Variants in SPHK2 observed in about 807,000 individuals in gnomAD.
SPHK2 encodes sphingosine kinase 2.
In SPHK2, 18 loss-of-function variants were observed where a neutral mutation model predicts 32.3. The observed-to-expected ratio is 0.56, with a 90% CI of 0.39 to 0.83. SPHK2 has a LOEUF of 0.83. Ranked by LOEUF, SPHK2 falls within the 40% of genes least tolerant of loss-of-function variation. The pLI, the probability that SPHK2 is intolerant of heterozygous loss-of-function variation, is 0.00. For missense variants in SPHK2, 850 were observed against 908.7 expected, an observed-to-expected ratio of 0.94 and a Z score of 0.83; for synonymous variants, 462 against 417.6, an observed-to-expected ratio of 1.11 and a Z score of -1.30.
chr19:48,629,645 C>T lies in SPHK2; in HGVS notation c.1837C>T (p.Leu613Phe). The change falls in exon 7 of 7, where the codon CTC becomes TTC. Residue 613 changes from leucine (L) to phenylalanine (F), a missense_variant. Leu to Phe is a conservative substitution (Grantham distance 22). Around this residue, in one of 2 missense-constraint regions of SPHK2, gnomAD observed 306 missense variants for 268.6 expected, o/e 1.14. Coordinates refer to ENST00000245222, the MANE Select transcript of SPHK2 (RefSeq NM_020126.5). Reference sequence around the variant, plus strand: ...GGCCCGTGCCTTCCGCCTAGAGCCGCTCACACCACGCGGCGTGCTCACAGT... The same window carrying T: ...GGCCCGTGCCTTCCGCCTAGAGCCGTTCACACCACGCGGCGTGCTCACAGT... ...AAARAFRLEP[L>F]TPRGVLTVDG... 6.2e-7 allele frequency: 1 copy of T among 1,603,358 alleles called. No homozygotes were observed. Among genetic ancestry groups the T allele is most frequent in the Non-Finnish European group, 8.5e-7 (1 of 1,175,852 alleles).
chr19:48,619,755 C>T (rs1419144918), intron 1 of SPHK2: 2 of 154,140 alleles, frequency 1.3e-5, no homozygotes, highest in African/African-American at 4.8e-5. Flanking sequence ...CCTTTGAGTT[C>T]CGCTTCTCCT....
chr19:48,622,279 A>T (rs60217620), intron 2 of SPHK2, among the ~76,000 whole-genome samples: 7,883 of 151,526 alleles, frequency 0.052, 403 homozygotes, highest in East Asian at 0.26. Flanking sequence ...AAAATAAAAA[A>T]AAATAAAGGA....
Position 48,628,881 on chromosome 19 carries a change from T to TCACCA in SPHK2, c.1076_1077insCACAC (p.Leu360ThrfsTer44). The TCACCA allele has an allele frequency of 6.2e-7, 1 of 1,613,698 alleles. No individual in the cohort carries two copies. The highest frequency in any genetic ancestry group is 8.5e-7 in the Non-Finnish European group (1 of 1,179,996). ...TTCAGGGCCTTGGGCAGTGCCCGCT[T>TCACCA]CACACTGGGCACGGTGCTGGGCCTC... On this transcript the variant is annotated frameshift_variant, in exon 7 of 7. Transcript: ENST00000245222. LOFTEE classifies it low-confidence loss of function (END_TRUNC). The surrounding 1 kb of genome is among the most constrained non-coding windows in gnomAD (Gnocchi z 5.2).
At chr19:48,626,607 G>A in intron 3 of SPHK2, 2 of 455,320 alleles carry the variant, frequency 4.4e-6, no homozygotes, top group Admixed American at 8.0e-5. Flanking sequence ...CTGAGGTCAG[G>A]AGTTCGAGAC....
chr19:48,625,541 C>T (rs1262233809), intron 2 of SPHK2: 1 of 1,289,274 alleles, frequency 7.8e-7, no homozygotes, highest in African/African-American at 1.5e-5. Context: ...ATATTTCAAT[C>T]CTTTCTCTTG....
chr19:48,627,960 G>A lies in SPHK2; in HGVS notation c.662-15G>A, dbSNP rs113211524. 2.5e-5 allele frequency: 40 copies of A among 1,572,360 alleles called. No individual in the cohort carries two copies. Among genetic ancestry groups the A allele is most frequent in the African/African-American group, 2.3e-4 (17 of 73,724 alleles). Reference sequence around the variant, plus strand: ...GGTGGGACAGCCTGCCTAACAGCCCGGTATCCCACTTCAGAACGACAGAAC... The same window carrying A: ...GGTGGGACAGCCTGCCTAACAGCCCAGTATCCCACTTCAGAACGACAGAAC... On this transcript the variant is annotated splice_polypyrimidine_tract_variant and intron_variant, in intron 4 of 6. Coordinates refer to ENST00000245222, the MANE Select transcript of SPHK2 (RefSeq NM_020126.5).
intron 2 of SPHK2, 51 bp downstream of exon 2, chr19:48,620,604 C>G: frequency 7.5e-7 from 1 of 1,324,664 alleles, no homozygotes. Context: ...AAGACAAAAT[C>G]TGAAGCTTTT....
In SPHK2 at chr19:48,626,134, G is replaced by A; in HGVS notation, c.283G>A (p.Ala95Thr). The A allele has an allele frequency of 6.2e-7, 1 of 1,606,080 alleles. No homozygotes were observed. The highest frequency in any genetic ancestry group is 8.5e-7 in the Non-Finnish European group (1 of 1,176,048). Residue 95 changes from alanine (A) to threonine (T), a missense_variant, in exon 3 of 7, where the codon GCC (alanine) becomes ACC (threonine). By Grantham distance (58) the Ala-to-Thr change is moderately conservative (BLOSUM62 0). This residue lies in a region of SPHK2 where 544 missense variants were observed against 640.0 expected (regional missense o/e 0.85). Coordinates refer to ENST00000245222, the MANE Select transcript of SPHK2 (RefSeq NM_020126.5). Reference sequence around the variant, plus strand: ...GCCCCGGGGTGGCCTGGTCCCGTTGGCCGAGGTCTCAGGCTGCTGCACCCT... The same window carrying A: ...GCCCCGGGGTGGCCTGGTCCCGTTGACCGAGGTCTCAGGCTGCTGCACCCT... ...ARPRGGLVPLAEVSGCCTLRS... is the reference protein window; with the variant it reads ...ARPRGGLVPLTEVSGCCTLRS...
rs1287879772 is a variant in SPHK2 at position 48,628,078 on chromosome 19, G to A, written c.756+9G>A. On this transcript the variant is annotated intron_variant, in intron 5 of 6. Coordinates refer to ENST00000245222, the MANE Select transcript of SPHK2 (RefSeq NM_020126.5). This position sits in a 1 kb window ranked among gnomAD's most constrained non-coding sequence, Gnocchi z 5.2. Reference sequence around the variant, plus strand: ...ACGGGCTGCTCCATGAGGTAGAGCAGGAGCACCCTGCCCCTAGCCCTGGGC... The same window carrying A: ...ACGGGCTGCTCCATGAGGTAGAGCAAGAGCACCCTGCCCCTAGCCCTGGGC... The A allele has an allele frequency of 1.9e-6, 3 of 1,581,406 alleles. No homozygotes were observed. The highest frequency in any genetic ancestry group is 2.6e-6 in the Non-Finnish European group (3 of 1,160,588).
At chr19:48,621,679 A>T (rs1974410492) in intron 2 of SPHK2, among the ~76,000 whole-genome samples, 1 of 152,166 alleles carries the variant, frequency 6.6e-6, no homozygotes, top group Admixed American at 6.5e-5. Flanking sequence ...AGCACCGAAC[A>T]AAGAGTCAAG....
Position 48,630,202 on chromosome 19 carries a change from G to T in SPHK2, c.*429G>T. 1 of 1,253,974 alleles carries T rather than the reference G, an allele frequency of 8.0e-7. No individual in the cohort carries two copies. Among genetic ancestry groups the T allele is most frequent in the South Asian group, 3.1e-5 (1 of 32,364 alleles). 77.7% of individuals were successfully genotyped at this position (1,253,974 alleles called of 1,614,324 possible). A position where few individuals can be genotyped will look rare whatever the true frequency, so the allele number is the denominator to read the frequency against. On this transcript the variant is annotated 3_prime_UTR_variant, in exon 7 of 7. Coordinates refer to ENST00000245222, the MANE Select transcript of SPHK2 (RefSeq NM_020126.5). This position sits in a 1 kb window ranked among gnomAD's most constrained non-coding sequence, Gnocchi z 4.9. ...CCCGCAGCCTCGCCCCATCCACTCC[G>T]GTGCCTCCATTTAGCTGGCCAATCA...
Position 48,625,695 on chromosome 19 carries a change from C to T in SPHK2, c.40-196C>T, listed in dbSNP as rs759114277. On this transcript the variant is annotated intron_variant, in intron 2 of 6. Coordinates refer to ENST00000245222, the MANE Select transcript of SPHK2 (RefSeq NM_020126.5). ...TTGGATGTTTGCATGCCCGGGTCTC[C>T]GGCCCCCTCTGGGATGCTGGCCTCT... 1.6e-4 allele frequency: 239 copies of T among 1,534,864 alleles called. 1 individual carries two copies. Among genetic ancestry groups the T allele is most frequent in the South Asian group, 1.1e-3 (92 of 83,214 alleles).
intron 2 of SPHK2, chr19:48,625,561 T>G: frequency 7.4e-7 from 1 of 1,351,992 alleles, no homozygotes; most frequent in Non-Finnish European, 9.7e-7. Flanking sequence ...GTTTATCTAT[T>G]CCTATGAAGG....
chr19:48,627,610 C>A, intron 3 of SPHK2, 82 bp from the exon 4 acceptor site: 1 of 1,474,910 alleles, frequency 6.8e-7, no homozygotes, highest in Non-Finnish European at 9.1e-7. Context: ...CCACCAATTC[C>A]GTTGGGGGCT....
rs147603863 is a variant in SPHK2, at chr19:48,628,246, G to A, written c.841G>A (p.Ala281Thr). 9.3e-6 allele frequency: 15 copies of A among 1,613,478 alleles called. No individual in the cohort carries two copies. The highest frequency in any genetic ancestry group is 1.2e-5 in the Non-Finnish European group (14 of 1,179,952). The change falls in exon 6 of 7, where the codon GCG becomes ACG. Residue 281 changes from alanine (A) to threonine (T), a missense_variant. Around this residue, in one of 2 missense-constraint regions of SPHK2, gnomAD observed 544 missense variants for 640.0 expected, o/e 0.85. Transcript: ENST00000245222. This position sits in a 1 kb window ranked among gnomAD's most constrained non-coding sequence, Gnocchi z 5.2. ...VGILPCGSGN[A>T]LAGAVNQHGG... The stretch of plus-strand genomic sequence containing the variant: ...CATCCTCCCCTGCGGCTCGGGCAAC[G>A]CGCTGGCCGGAGCAGTGAACCAGCA...
At position 48,630,301 on chromosome 19, in the gene SPHK2, G is replaced by A. The variant is rs931450480; in HGVS notation, c.*528G>A. 1.6e-5 allele frequency: 20 copies of A among 1,286,032 alleles called. No homozygotes were observed. The highest frequency in any genetic ancestry group is 1.9e-5 in the Non-Finnish European group (19 of 1,017,226). The allele number at this position is 1,286,032 out of a possible 1,614,324, so 79.7% of individuals were successfully genotyped here. A position where few individuals can be genotyped will look rare whatever the true frequency, so the allele number is the denominator to read the frequency against. Reference sequence around the variant, plus strand: ...TGTTCCTCTCCCCGCGGGTGGGGGCGGGGAAATTCATATCCCCTGTTCGTC... The same window carrying A: ...TGTTCCTCTCCCCGCGGGTGGGGGCAGGGAAATTCATATCCCCTGTTCGTC... On this transcript the variant is annotated 3_prime_UTR_variant, in exon 7 of 7. Coordinates refer to ENST00000245222, the MANE Select transcript of SPHK2 (RefSeq NM_020126.5). The surrounding 1 kb of genome is among the most constrained non-coding windows in gnomAD (Gnocchi z 4.9).
At position 48,629,035 on chromosome 19, in the gene SPHK2, G is replaced by A. The variant is rs753083611; in HGVS notation, c.1227G>A (p.Pro409=). 10 of 1,612,616 alleles carry A rather than the reference G, an allele frequency of 6.2e-6. No individual in the cohort carries two copies. Among genetic ancestry groups the A allele is most frequent in the South Asian group, 1.1e-5 (1 of 91,030 alleles). Residue 409 remains proline (P), a synonymous_variant, in exon 7 of 7, where the codon CCG becomes CCA. Transcript: ENST00000245222. The part of the protein sequence containing the change: ...SELTLTPDPA[P]PMAHSPLHRS... ...TGACCCTAACCCCAGACCCAGCCCC[G>A]CCCATGGCCCACTCACCCCTGCATC...
In SPHK2 at chr19:48,626,257, C is replaced by T. The variant is rs763684440; in HGVS notation, c.406C>T (p.Arg136Trp). The change falls in exon 3 of 7, where the codon CGG becomes TGG. Residue 136 changes from arginine to tryptophan, a missense_variant. By Grantham distance (101) the Arg-to-Trp change is moderately radical. Transcript: ENST00000245222. ...CCGGCGCAGAGCCACTCGCACCTTCCGGGCAGATGGGGCCGCCACCTACGA... is the reference window on the plus strand; with the variant it reads ...CCGGCGCAGAGCCACTCGCACCTTCTGGGCAGATGGGGCCGCCACCTACGA... ...GARRRATRTF[R>W]ADGAATYEEN... 3.2e-5 allele frequency: 51 copies of T among 1,594,738 alleles called. No individual in the cohort carries two copies. In the Admixed American group the frequency reaches 4.4e-4, roughly 14 times the overall value.
At position 48,627,700 on chromosome 19, in the gene SPHK2, C is replaced by G. The variant is rs199752640; in HGVS notation, c.520C>G (p.Pro174Ala). 9.1e-5 allele frequency: 145 copies of G among 1,598,376 alleles called. No homozygotes were observed. Among genetic ancestry groups the G allele is most frequent in the Non-Finnish European group, 8.5e-6 (10 of 1,171,712 alleles). ...CTAACCTCTCTCCACAGAGATCACC[C>G]CTGACCTGCTACCTCGGCCGCCCCG... ...LPLPGDGEITPDLLPRPPRLL... is the reference protein window; with the variant it reads ...LPLPGDGEITADLLPRPPRLL... Residue 174 changes from proline (P) to alanine (A), a missense_variant, in exon 4 of 7, where the codon CCT becomes GCT. By Grantham distance (27) the Pro-to-Ala change is conservative. Coordinates refer to ENST00000245222, the MANE Select transcript of SPHK2 (RefSeq NM_020126.5).
Sources: allele counts gnomAD v4.1 joint callset (sites outside exome capture counted in the v4.1 genomes callset), GRCh38; gene constraint gnomAD v4.1.1; regional missense constraint gnomAD v4.1.1; non-coding constraint Gnocchi (gnomAD v3.1); transcripts MANE v1.5; gene names NCBI Gene and HGNC (gene_info 2026-07-23, HGNC 2026-07-21).